Variants in ERGIC1 observed in about 807,000 individuals in gnomAD.
The protein encoded by ERGIC1 is endoplasmic reticulum-Golgi intermediate compartment protein 1.
In ERGIC1, 19 loss-of-function variants were observed where a neutral mutation model predicts 38.3. The ratio of observed to expected loss-of-function variants is 0.50; its 90% confidence interval spans 0.35 to 0.73. The LOEUF is 0.73. ERGIC1 is among the 30% of genes least tolerant of loss of function. ERGIC1 has a pLI of 0.01. For synonymous variants in ERGIC1, 124 were observed against 157.6 expected (o/e 0.79, Z 1.60); for missense variants, 294 against 389.2 (o/e 0.76, Z 2.06).
At chr5:172,936,373 G>A (rs1763886050) in intron 9 of ERGIC1, 1 of 152,288 alleles carries the variant, frequency 6.6e-6, no homozygotes, top group Admixed American at 6.5e-5. Context: ...AGCTCTCACT[G>A]GCCCAGCTCA....
At chr5:172,889,012 C>T (rs1267898788) in intron 2 of ERGIC1, among the ~76,000 whole-genome samples, 1 of 152,142 alleles carries the variant, frequency 6.6e-6, no homozygotes, top group Non-Finnish European at 1.5e-5. Flanking sequence ...AGGCTGGGCG[C>T]GGTGGCTCAC....
At chr5:172,871,961 A>G (rs793020) in intron 1 of ERGIC1, among the ~76,000 whole-genome samples, 144,023 of 152,310 alleles carry the variant, frequency 0.95, 68,425 homozygotes, top group East Asian at 1. Flanking sequence ...CCTTTCCTAA[A>G]GCCCTTTTGC....
In ERGIC1 at chr5:172,837,379, CATTTT is replaced by C. The variant is rs1461134755; in HGVS notation, c.20+2951_20+2955del. On this transcript the variant is annotated intron_variant, in intron 1 of 9. Transcript: ENST00000393784. This position sits in a 1 kb window ranked among gnomAD's most constrained non-coding sequence, Gnocchi z 4.3. ...TTTTGGCCGCCATATTTATTTGTGT[CATTTT>C]ATTTAAGCACCCATCATCTCCTAAC... Among the ~76,000 whole-genome samples, 1 of 152,178 alleles carries C rather than the reference CATTTT, an allele frequency of 6.6e-6. No homozygotes were observed. Among genetic ancestry groups the C allele is most frequent in the Non-Finnish European group, 1.5e-5 (1 of 68,020 alleles).
chr5:172,942,749 C>T (rs1561745821), intron 9 of ERGIC1, among the ~76,000 whole-genome samples: 1 of 152,220 alleles, frequency 6.6e-6, no homozygotes, highest in Non-Finnish European at 1.5e-5. Flanking sequence ...CTGGCGCGTG[C>T]GTTCCCAGAG....
chr5:172,850,637 C>G (rs1032214641), intron 1 of ERGIC1, among the ~76,000 whole-genome samples: 1 of 152,160 alleles, frequency 6.6e-6, no homozygotes, highest in African/African-American at 2.4e-5. Flanking sequence ...TTTTCTGCTA[C>G]AAATGGGGAT....
intron 1 of ERGIC1, among the ~76,000 whole-genome samples, chr5:172,855,709 C>T (rs1761532267): frequency 6.6e-6 from 1 of 152,196 alleles, no homozygotes; most frequent in African/African-American, 2.4e-5. Flanking sequence ...CCGTCCAGCA[C>T]GTGGTACACT....
At position 172,915,596 on chromosome 5, in the gene ERGIC1, C is replaced by T. The variant is rs145748219; in HGVS notation, c.375+758C>T. On this transcript the variant is annotated intron_variant, in intron 5 of 9. Coordinates refer to ENST00000393784, the MANE Select transcript of ERGIC1 (RefSeq NM_001031711.3). ...GGCCGAGGCACCCGGTGGCAGCTGG[C>T]AGGGTTTTGCTCAGCACGTGCCGGC... The T allele has an allele frequency of 2.5e-3, 1,201 of 471,210 alleles. 4 individuals are homozygous for T. The highest frequency in any genetic ancestry group is 3.7e-3 in the Non-Finnish European group (832 of 227,056). 29.2% of individuals were successfully genotyped at this position (471,210 alleles called of 1,614,324 possible). A position where few individuals can be genotyped will look rare whatever the true frequency, so the allele number is the denominator to read the frequency against.
chr5:172,896,835 G>A (rs558982053), intron 2 of ERGIC1, among the ~76,000 whole-genome samples, 167 bp from the exon 3 acceptor site: 2 of 152,320 alleles, frequency 1.3e-5, no homozygotes, highest in African/African-American at 4.8e-5. Context: ...AAAGGCAGGG[G>A]GTGGGGCTGC....
intron 1 of ERGIC1, among the ~76,000 whole-genome samples, chr5:172,839,378 GCAA>G: frequency 1.9e-5 from 2 of 106,568 alleles, no homozygotes; most frequent in African/African-American, 4.6e-5. Flanking sequence ...GGTCAACATA[GCAA>G]GACCCCAGAC....
intron 9 of ERGIC1, among the ~76,000 whole-genome samples, chr5:172,942,398 C>G (rs1764030800): frequency 1.3e-5 from 2 of 152,052 alleles, no homozygotes; most frequent in African/African-American, 4.8e-5. Context: ...CCCTCGGTGT[C>G]TCTCTTCCCT....
Position 172,926,419 on chromosome 5 carries a change from C to A in ERGIC1, c.481-90C>A. The A allele has an allele frequency of 6.9e-7, 1 of 1,445,072 alleles. No homozygotes were observed. The highest frequency in any genetic ancestry group is 9.7e-7 in the Non-Finnish European group (1 of 1,029,620). 89.5% of individuals were successfully genotyped at this position (1,445,072 alleles called of 1,614,324 possible). Reference sequence around the variant, plus strand: ...TTACACATTGGTAGGGTTCCTAGACCAGGTGGTACCTGGCCATCCCCCACA... The same window carrying A: ...TTACACATTGGTAGGGTTCCTAGACAAGGTGGTACCTGGCCATCCCCCACA... On this transcript the variant is annotated intron_variant, in intron 6 of 9. Transcript: ENST00000393784. The surrounding 1 kb of genome is among the most constrained non-coding windows in gnomAD (Gnocchi z 5.2).
chr5:172,883,307 C>G (rs142210819), intron 1 of ERGIC1, among the ~76,000 whole-genome samples: 1 of 152,076 alleles, frequency 6.6e-6, no homozygotes, highest in African/African-American at 2.4e-5. Flanking sequence ...ACAGTGCTGC[C>G]GGCCAATCTG....
chr5:172,845,796 A>G (rs991682897), intron 1 of ERGIC1, among the ~76,000 whole-genome samples: 2 of 152,174 alleles, frequency 1.3e-5, no homozygotes, highest in African/African-American at 2.4e-5. Flanking sequence ...GCTCATGACT[A>G]TTCTCTAAAC....
At chr5:172,947,190 A>T (rs1561747432) in intron 9 of ERGIC1, among the ~76,000 whole-genome samples, 1 of 151,874 alleles carries the variant, frequency 6.6e-6, no homozygotes, top group Non-Finnish European at 1.5e-5. Context: ...TCTCAAAAAA[A>T]AAAAAAAAAA....
At chr5:172,893,903 A>ATGTGTGTG (rs1279828120) in intron 2 of ERGIC1, among the ~76,000 whole-genome samples, 13 of 12,882 alleles carry the variant, frequency 1.0e-3, no homozygotes, top group Non-Finnish European at 1.5e-3. Flanking sequence ...ATATATATAT[A>ATGTGTGTG]TATGTGTGTG....
rs779916330 is a variant in ERGIC1, at chr5:172,935,289, G to A, written c.744G>A (p.Pro248=). 3.2e-5 allele frequency: 51 copies of A among 1,613,976 alleles called. 1 individual carries two copies. In the South Asian group the frequency reaches 4.4e-4, roughly 14 times the overall value. The stretch of plus-strand genomic sequence containing the variant: ...TCAAGTACACAGAGAGACGGCAGCC[G>A]CTGTACAGATTCATCACCACGGTGA... The part of the protein sequence containing the change: ...ITVKYTERRQ[P]LYRFITTICA... The change falls in exon 9 of 10, where the codon CCG becomes CCA. Residue 248 remains proline, a synonymous_variant. Coordinates refer to ENST00000393784, the MANE Select transcript of ERGIC1 (RefSeq NM_001031711.3).
At chr5:172,915,614 G>A (rs1053280078) in intron 5 of ERGIC1, 6 of 471,080 alleles carry the variant, frequency 1.3e-5, no homozygotes, top group East Asian at 6.9e-5. Context: ...TGCTCAGCAC[G>A]TGCCGGCCTT....
At chr5:172,856,856 C>G (rs1015138873) in intron 1 of ERGIC1, among the ~76,000 whole-genome samples, 2 of 152,162 alleles carry the variant, frequency 1.3e-5, no homozygotes, top group African/African-American at 4.8e-5. Context: ...ACCTCAGTAT[C>G]CCTATTTATG....
chr5:172,866,350 C>G (rs887487857), intron 1 of ERGIC1, among the ~76,000 whole-genome samples: 3 of 152,208 alleles, frequency 2.0e-5, no homozygotes, highest in Admixed American at 2.0e-4. Flanking sequence ...TGGTTTTTCT[C>G]TCATCTTGGA....
Sources: gnomAD v4.1 joint callset for allele counts (sites outside exome capture counted in the v4.1 genomes callset) on GRCh38, gnomAD v4.1.1 for gene constraint, Gnocchi (gnomAD v3.1) non-coding constraint, MANE v1.5 for transcripts, NCBI Gene and HGNC (gene_info 2026-07-23, HGNC 2026-07-21) for gene names.